NRF1: variants seen among roughly 807,000 people sequenced by gnomAD.
The protein encoded by NRF1 is nuclear respiratory factor 1, also known as alpha palindromic-binding protein.
NRF1 carries 5 observed loss-of-function variants against 58.5 expected under a neutral mutation model. That is an observed-to-expected ratio of 0.09 (90% CI 0.04 to 0.18). The LOEUF (loss-of-function observed/expected upper bound fraction) is 0.18. Among genes scored for constraint, NRF1 ranks in the 10% least tolerant of loss-of-function variants. The probability of loss-of-function intolerance (pLI) is 1.00; values close to 1 mark genes in which losing one functional copy is unlikely to be tolerated. For missense variants in NRF1, 288 were observed against 657.7 expected (o/e 0.44, Z 6.15); for synonymous variants, 224 against 246.7 (o/e 0.91, Z 0.86).
chr7:129,688,888 G>A (rs893036761), intron 4 of NRF1, among the ~76,000 whole-genome samples: 2 of 151,706 alleles, frequency 1.3e-5, no homozygotes, highest in African/African-American at 4.9e-5. Flanking sequence ...AATTTGGGTG[G>A]GGACATAGAG....
At chr7:129,672,939 A>G (rs1040551818) in intron 3 of NRF1, among the ~76,000 whole-genome samples, 9 of 152,216 alleles carry the variant, frequency 5.9e-5, no homozygotes, top group Admixed American at 5.9e-4. Context: ...GGGAGTGAGT[A>G]TGGACTGAGG....
intron 10 of NRF1, among the ~76,000 whole-genome samples, chr7:129,754,425 T>C (rs1375435706): frequency 7.9e-6 from 1 of 126,920 alleles, no homozygotes; most frequent in South Asian, 2.5e-4. Context: ...GTCACGCCAC[T>C]GCACTCCAGC....
At chr7:129,644,706 A>G (rs10255161) in intron 1 of NRF1, among the ~76,000 whole-genome samples, 2,546 of 152,292 alleles carry the variant, frequency 0.017, 68 homozygotes, top group African/African-American at 0.058. Context: ...AAGAGAGTTG[A>G]CATATTTTAA....
chr7:129,653,237 T>C (rs1438138522), intron 1 of NRF1, among the ~76,000 whole-genome samples: 1 of 152,252 alleles, frequency 6.6e-6, no homozygotes, highest in Non-Finnish European at 1.5e-5. Context: ...TGATCCATGT[T>C]GTAGCATGAG....
chr7:129,629,053 A>G (rs1454289803), intron 1 of NRF1, among the ~76,000 whole-genome samples: 2 of 152,214 alleles, frequency 1.3e-5, no homozygotes, highest in Admixed American at 6.5e-5. Context: ...CCGAAATTCT[A>G]ATTATCACTT....
chr7:129,620,794 A>T (rs1259013866), intron 1 of NRF1, among the ~76,000 whole-genome samples: 3 of 152,254 alleles, frequency 2.0e-5, no homozygotes, highest in African/African-American at 7.2e-5. Context: ...GTCAGAAAAA[A>T]TTCATTTTTA....
In NRF1 at chr7:129,690,869, A is replaced by C. The variant is rs558742374; in HGVS notation, c.606+323A>C. The stretch of plus-strand genomic sequence containing the variant: ...CTGAACAAAAGAACATTAGGAGTTT[A>C]ATGAATCACAGTCAAGGTAGCCAAG... On this transcript the variant is annotated intron_variant, in intron 5 of 10. Coordinates refer to ENST00000393232, the MANE Select transcript of NRF1 (RefSeq NM_005011.5). Among the ~76,000 whole-genome samples the C allele has an allele frequency of 5.9e-5, 9 of 152,242 alleles. No homozygotes were observed. The East Asian group carries it at 1.7e-3, about 29-fold the overall frequency.
chr7:129,735,110 G>A, intron 10 of NRF1: 2 of 985,444 alleles, frequency 2.0e-6, no homozygotes, highest in Non-Finnish European at 2.4e-6. Context: ...AGATTTTGAA[G>A]AGCACATCTG....
chr7:129,647,562 A>AT (rs1194335700), intron 1 of NRF1, among the ~76,000 whole-genome samples: 2 of 151,804 alleles, frequency 1.3e-5, no homozygotes, highest in Admixed American at 6.6e-5. Flanking sequence ...CCCCTGGCTA[A>AT]TTTTTGTATT....
intron 10 of NRF1, among the ~76,000 whole-genome samples, chr7:129,729,666 CTCTTA>C (rs1803533714): frequency 6.6e-6 from 1 of 152,298 alleles, no homozygotes; most frequent in South Asian, 2.1e-4. Flanking sequence ...TTTGATAATC[CTCTTA>C]TCTTCTAACA....
intron 1 of NRF1, among the ~76,000 whole-genome samples, chr7:129,634,763 G>T (rs1292639732): frequency 6.6e-6 from 1 of 152,168 alleles, no homozygotes; most frequent in African/African-American, 2.4e-5. Context: ...GTAAGAAATT[G>T]CCAAACAGGC....
intron 10 of NRF1, 121 bp downstream of exon 10, chr7:129,727,486 A>G: frequency 1.0e-6 from 1 of 960,180 alleles, no homozygotes; most frequent in Non-Finnish European, 1.5e-6. Flanking sequence ...CTTCATTGGT[A>G]GACATTTCAT....
chr7:129,666,134 C>T (rs1206128977), intron 2 of NRF1, among the ~76,000 whole-genome samples: 1 of 152,192 alleles, frequency 6.6e-6, no homozygotes, highest in Admixed American at 6.5e-5. Context: ...AATGCATGTG[C>T]ACCCACTGCC....
chr7:129,683,600 G>A (rs923469921), intron 4 of NRF1, among the ~76,000 whole-genome samples: 4 of 148,394 alleles, frequency 2.7e-5, no homozygotes, highest in Non-Finnish European at 4.4e-5. Flanking sequence ...AAAGTGCTGC[G>A]ATTACAGGCA....
chr7:129,658,334 G>A (rs1489234618), intron 2 of NRF1, among the ~76,000 whole-genome samples: 3 of 152,056 alleles, frequency 2.0e-5, no homozygotes, highest in Non-Finnish European at 4.4e-5. Context: ...GCTCACACCT[G>A]TAATCCCAGC....
intron 3 of NRF1, among the ~76,000 whole-genome samples, chr7:129,676,343 G>C (rs1475074078): frequency 6.6e-6 from 1 of 152,220 alleles, no homozygotes; most frequent in Non-Finnish European, 1.5e-5. Context: ...CTTTCAACAT[G>C]CCTTCCTCAC....
At chr7:129,748,427 G>C (rs1026204914) in intron 10 of NRF1, among the ~76,000 whole-genome samples, 1 of 152,170 alleles carries the variant, frequency 6.6e-6, no homozygotes, top group African/African-American at 2.4e-5. Context: ...GGAGAAACCA[G>C]GTGGGCTGTC....
intron 10 of NRF1, 64 bp from the exon 11 acceptor site, chr7:129,754,954 G>C: frequency 6.8e-7 from 1 of 1,469,094 alleles, no homozygotes; most frequent in East Asian, 2.6e-5. Context: ...GGGTGCCCCC[G>C]TCCAGCCAGC....
intron 1 of NRF1, 100 bp from the exon 2 acceptor site, chr7:129,657,246 G>A (rs940987797): frequency 2.3e-6 from 2 of 852,132 alleles, no homozygotes; most frequent in African/African-American, 1.7e-5. Flanking sequence ...TTGGAATTTT[G>A]TCAAGGTTCC....
Sources: gnomAD v4.1 joint callset for allele counts (sites outside exome capture counted in the v4.1 genomes callset) on GRCh38, gnomAD v4.1.1 for gene constraint, MANE v1.5 for transcripts, NCBI Gene and HGNC (gene_info 2026-07-23, HGNC 2026-07-21) for gene names.